Variants in C2orf42 observed in about 807,000 individuals in gnomAD.
The protein encoded by C2orf42 is uncharacterized protein C2orf42.
A neutral mutation model predicts 58.9 loss-of-function variants in C2orf42; 44 were observed. The ratio of observed to expected loss-of-function variants is 0.75; its 90% CI spans 0.59 to 0.96. C2orf42 has a LOEUF of 0.96. C2orf42 is among the 40% of genes least tolerant of loss of function. The pLI is 0.00. For synonymous variants in C2orf42, 239 were observed against 265.4 expected (o/e 0.90, Z 0.97); for missense variants, 630 against 699.2 (o/e 0.90, Z 1.12).
In C2orf42 at chr2:70,181,897, C is replaced by T. The variant is rs754236563; in HGVS notation, c.89G>A (p.Arg30Gln). ...ATLRGIRKCP[R>Q]CGTYNGTRGL... Reference sequence around the variant, plus strand: ...CCGGGTTCCATTGTATGTGCCACATCGGGGACACTTTCTGATTCCCCTCAA... The same window carrying T: ...CCGGGTTCCATTGTATGTGCCACATTGGGGACACTTTCTGATTCCCCTCAA... Residue 30 changes from arginine to glutamine, a missense_variant, in exon 3 of 10, where the codon CGA (arginine) becomes CAA (glutamine). By Grantham distance (43) the Arg-to-Gln change is conservative. Transcript: ENST00000264434. 5.0e-6 allele frequency: 8 copies of T among 1,613,484 alleles called. No homozygotes were observed. Among genetic ancestry groups the T allele is most frequent in the African/African-American group, 2.7e-5 (2 of 74,884 alleles).
intron 6 of C2orf42, among the ~76,000 whole-genome samples, chr2:70,166,723 T>C (rs1042735007): frequency 9.9e-5 from 15 of 151,912 alleles, no homozygotes; most frequent in Admixed American, 8.6e-4. Flanking sequence ...CAGTAGACCC[T>C]TGTCATCCAC....
intron 5 of C2orf42, among the ~76,000 whole-genome samples, chr2:70,170,625 T>G (rs1673743069): frequency 6.6e-6 from 1 of 151,476 alleles, no homozygotes; most frequent in African/African-American, 2.4e-5. Context: ...CGTGGTGGCA[T>G]GCACCTTAAT....
At chr2:70,182,043 CAAAAAGTTAA>C in intron 2 of C2orf42, 46 bp from the exon 3 acceptor site, 1 of 846,564 alleles carries the variant, frequency 1.2e-6, no homozygotes, top group Non-Finnish European at 1.9e-6. Context: ...CCTTCACACA[CAAAAAGTTAA>C]AATCACTTAT....
chr2:70,183,330 T>C (rs939915488), intron 1 of C2orf42, among the ~76,000 whole-genome samples: 10 of 152,046 alleles, frequency 6.6e-5, no homozygotes, highest in African/African-American at 1.7e-4. Context: ...CCCAGCTACG[T>C]TGGAGGCAGA....
intron 6 of C2orf42, 65 bp from the exon 7 acceptor site, chr2:70,165,700 G>A (rs1673355445): frequency 1.2e-6 from 1 of 856,506 alleles, no homozygotes; most frequent in African/African-American, 1.7e-5. Flanking sequence ...TGTACAGGGA[G>A]AGGTGAAAGA....
At chr2:70,162,355 G>A (rs1363473193) in intron 8 of C2orf42, among the ~76,000 whole-genome samples, 1 of 150,870 alleles carries the variant, frequency 6.6e-6, no homozygotes, top group African/African-American at 2.4e-5. Context: ...TTAAGAGTAG[G>A]GGCCTTTGCT....
intron 1 of C2orf42, among the ~76,000 whole-genome samples, chr2:70,185,236 A>G (rs1674853005): frequency 6.6e-6 from 1 of 151,862 alleles, no homozygotes. Context: ...CCCTGTCTCT[A>G]CTAATAATAC....
chr2:70,185,063 C>T (rs1573040912), intron 1 of C2orf42, among the ~76,000 whole-genome samples: 1 of 147,446 alleles, frequency 6.8e-6, no homozygotes, highest in South Asian at 2.2e-4. Context: ...GCACTCCAGC[C>T]TGGGCGACAG....
intron 1 of C2orf42, among the ~76,000 whole-genome samples, chr2:70,187,345 G>C (rs1675013886): frequency 6.6e-6 from 1 of 152,102 alleles, no homozygotes; most frequent in Non-Finnish European, 1.5e-5. Context: ...CCGCCTCCCG[G>C]GTTCAAGTGA....
At chr2:70,158,537 C>T (rs556485666) in intron 9 of C2orf42, among the ~76,000 whole-genome samples, 54 of 152,222 alleles carry the variant, frequency 3.5e-4, no homozygotes, top group African/African-American at 1.3e-3. Context: ...GCAACCTCCA[C>T]CTCCTGGGTT....
chr2:70,189,927 T>C (rs1675229006), intron 1 of C2orf42, among the ~76,000 whole-genome samples: 2 of 150,276 alleles, frequency 1.3e-5, no homozygotes, highest in African/African-American at 5.0e-5. Context: ...CTATTCTTGG[T>C]TTTACTCTTT....
In C2orf42 at chr2:70,181,368, T is replaced by C. The variant is rs1455074162; in HGVS notation, c.618A>G (p.Thr206=). The C allele has an allele frequency of 1.2e-6, 2 of 1,614,058 alleles. No homozygotes were observed. Among genetic ancestry groups the C allele is most frequent in the African/African-American group, 2.7e-5 (2 of 74,944 alleles). ...TGCCACTGACTTTCTGCACAAAAGA[T>C]GTATGCAAATACCCCAAACTGTGCT... ...SQKHSLGYLH[T]SFVQKVSGKS... is the part of the protein sequence containing the mutation. Residue 206 remains threonine (T), a synonymous_variant, in exon 3 of 10, where the codon ACA becomes ACG. Coordinates refer to ENST00000264434, the MANE Select transcript of C2orf42 (RefSeq NM_017880.3).
rs566543391 is a variant in C2orf42, at chr2:70,155,444, A to G, written c.1517-4880T>C. ...CCAAAGTGCTGGGATTATAGGTGTG[A>G]GCTGCTGTGCTCTGTCAGATCAAAG... On this transcript the variant is annotated intron_variant, in intron 9 of 9. Coordinates refer to ENST00000264434, the MANE Select transcript of C2orf42 (RefSeq NM_017880.3). Among the ~76,000 whole-genome samples, 4 of 152,092 alleles carry G rather than the reference A, an allele frequency of 2.6e-5. 1 individual carries two copies. In the South Asian group the frequency reaches 8.3e-4, roughly 32 times the overall value.
At chr2:70,174,051 T>C (rs184825923) in intron 5 of C2orf42, among the ~76,000 whole-genome samples, 108 of 152,316 alleles carry the variant, frequency 7.1e-4, no homozygotes, top group African/African-American at 2.5e-3. Flanking sequence ...CTCACACCTG[T>C]AATCTCAGTA....
chr2:70,178,140 A>C (rs1187289277), intron 4 of C2orf42, among the ~76,000 whole-genome samples: 1 of 152,188 alleles, frequency 6.6e-6, no homozygotes, highest in Non-Finnish European at 1.5e-5. Flanking sequence ...AAATGTTTGC[A>C]TTTCTCTGTC....
At chr2:70,183,430 T>C (rs1478565141) in intron 1 of C2orf42, among the ~76,000 whole-genome samples, 1 of 149,658 alleles carries the variant, frequency 6.7e-6, no homozygotes, top group African/African-American at 2.4e-5. Context: ...CCCCATCTCT[T>C]TTTTTTTTTC....
intron 5 of C2orf42, among the ~76,000 whole-genome samples, chr2:70,174,072 CTG>C (rs1674021132): frequency 6.6e-6 from 1 of 152,070 alleles, no homozygotes; most frequent in Non-Finnish European, 1.5e-5. Context: ...CTTTGTGAGG[CTG>C]AGGTGAGCAG....
In C2orf42 at chr2:70,165,592, A is replaced by G. The variant is rs1673348447; in HGVS notation, c.1188T>C (p.Phe396=). 1 of 1,611,226 alleles carries G rather than the reference A, an allele frequency of 6.2e-7. No homozygotes were observed. Among genetic ancestry groups the G allele is most frequent in the Non-Finnish European group, 8.5e-7 (1 of 1,177,592 alleles). The change falls in exon 7 of 10, where the codon TTT becomes TTC. Residue 396 remains phenylalanine, a synonymous_variant. Transcript: ENST00000264434. ...TAGATATTCTTTGTTGCAGGGCATC[A>G]AAAAATGACTGAGGAATGTGGAACA... ...PLVFHIPQSF[F]DALQQRISIG... is the part of the protein sequence containing the mutation.
intron 5 of C2orf42, among the ~76,000 whole-genome samples, chr2:70,173,752 G>A (rs1673993251): frequency 6.6e-6 from 1 of 151,918 alleles, no homozygotes; most frequent in African/African-American, 2.4e-5. Context: ...AAGTAGCTGA[G>A]TTTACAGGCA....
Sources: allele counts gnomAD v4.1 joint callset (sites outside exome capture counted in the v4.1 genomes callset), GRCh38; gene constraint gnomAD v4.1.1; transcripts MANE v1.5; gene names NCBI Gene and HGNC (gene_info 2026-07-23, HGNC 2026-07-21).